Variants in GC observed in about 807,000 individuals in gnomAD.
GC encodes GC vitamin D binding protein, also known as vitamin D-binding protein.
Under a neutral mutation model 56.7 loss-of-function variants are expected in GC, and 43 were observed. That is an observed-to-expected ratio of 0.76 (90% CI 0.59 to 0.98). The LOEUF is 0.98. Ranked by LOEUF, GC falls within the 50% of genes least tolerant of loss-of-function variation. GC has a pLI of 0.00. For synonymous variants in GC, 216 were observed against 202.7 expected (o/e 1.07, Z -0.56); for missense variants, 529 against 545.9 (o/e 0.97, Z 0.31).
At chr4:71,786,031 ATTCT>A (rs1742825558), upstream of GC, 1 of 151,836 alleles carries the variant, frequency 6.6e-6, no homozygotes, top group African/African-American at 2.4e-5. Context: ...AGACCAGCTC[ATTCT>A]TTCATTTTTT....
intron 11 of GC, among the ~76,000 whole-genome samples, chr4:71,750,911 C>G (rs373848113): frequency 7.0e-6 from 1 of 143,390 alleles, no homozygotes. Context: ...AAAAAAAAAA[C>G]GGGTTTAAGG....
chr4:71,768,349 G>A lies in GC; in HGVS notation c.213C>T (p.Thr71=), dbSNP rs750307767. 9.3e-6 allele frequency: 15 copies of A among 1,613,104 alleles called. No individual in the cohort carries two copies. Among genetic ancestry groups the A allele is most frequent in the African/African-American group, 5.3e-5 (4 of 74,866 alleles). ...CAGCCCCTTCCGCACAGCAGGCTTC[G>A]GTCAAGGAGACAACTTCCTTCACAA... ...SQLVKEVVSL[T]EACCAEGADP... Residue 71 remains threonine (T), a synonymous_variant, in exon 3 of 13, where the codon ACC becomes ACT. Transcript: ENST00000273951.
intron 9 of GC, among the ~76,000 whole-genome samples, 179 bp from the exon 10 acceptor site, chr4:71,754,687 A>G (rs1171275203): frequency 1.3e-5 from 2 of 152,208 alleles, no homozygotes; most frequent in Admixed American, 6.5e-5. Flanking sequence ...CAACTACTCA[A>G]CTCTGTACAG....
intron 1 of GC, among the ~76,000 whole-genome samples, chr4:71,798,314 A>G (rs187749009): frequency 1.3e-5 from 2 of 152,344 alleles, no homozygotes; most frequent in Admixed American, 1.3e-4. Context: ...TGTTTGCAGC[A>G]TCTCAGAGTT....
At chr4:71,775,806 A>G (rs1742490998) in intron 1 of GC, among the ~76,000 whole-genome samples, 1 of 152,070 alleles carries the variant, frequency 6.6e-6, no homozygotes, top group East Asian at 1.9e-4. Context: ...CAACTCAATA[A>G]CAAGAAAACC....
chr4:71,768,851 T>A (rs766638614), intron 2 of GC, among the ~76,000 whole-genome samples: 7 of 152,248 alleles, frequency 4.6e-5, no homozygotes, highest in Admixed American at 2.6e-4. Context: ...CATTTACTTC[T>A]TTATTTGGCT....
At chr4:71,797,606 C>A (rs1221753398) in intron 1 of GC, among the ~76,000 whole-genome samples, 1 of 152,214 alleles carries the variant, frequency 6.6e-6, no homozygotes, top group Non-Finnish European at 1.5e-5. Context: ...AAGGGAAATT[C>A]CCCGACCCCT....
chr4:71,804,057 G>A (rs190021233), upstream of GC: 20 of 750,316 alleles, frequency 2.7e-5, no homozygotes, highest in South Asian at 1.8e-4. Flanking sequence ...GAGCATCAAC[G>A]TTGGTCTTAG....
At chr4:71,794,120 T>C (rs1281074513) in intron 1 of GC, among the ~76,000 whole-genome samples, 1 of 152,164 alleles carries the variant, frequency 6.6e-6, no homozygotes, top group Non-Finnish European at 1.5e-5. Flanking sequence ...AAATTCTCTG[T>C]TTCTGTTGTG....
chr4:71,798,118 A>C (rs760635472), intron 1 of GC, among the ~76,000 whole-genome samples: 3 of 152,182 alleles, frequency 2.0e-5, no homozygotes, highest in Non-Finnish European at 4.4e-5. Flanking sequence ...CAATTTCATT[A>C]GATTATTTTA....
At chr4:71,755,166 A>ATTTATTTATTTG in intron 8 of GC, 59 bp from the exon 9 acceptor site, 1 of 727,612 alleles carries the variant, frequency 1.4e-6, no homozygotes, top group African/African-American at 1.9e-5. Context: ...TTATTTATTT[A>ATTTATTTATTTG]TTTATTTATT....
chr4:71,773,674 G>A (rs79707248), intron 1 of GC, among the ~76,000 whole-genome samples: 4,801 of 151,964 alleles, frequency 0.032, 232 homozygotes, highest in African/African-American at 0.11. Flanking sequence ...ACAGTTATTC[G>A]TATACCAAGT....
Position 71,778,041 on chromosome 4 carries a change from T to TA in GC, c.58+5919dup, listed in dbSNP as rs60216664. 3.1e-3 allele frequency among the ~76,000 whole-genome samples: 471 copies of TA among 151,000 alleles called. 3 individuals are homozygous for TA. The highest frequency in any genetic ancestry group is 0.011 in the African/African-American group (440 of 41,132). ...CCAGAACTTAAAGTTTATATATATA[T>TA]AAAAAAAAACAAAATAAAACCCACA... On this transcript the variant is annotated intron_variant, in intron 1 of 12. Transcript: ENST00000273951.
Position 71,754,838 on chromosome 4 carries a change from A to G in GC, c.1164+140T>C, listed in dbSNP as rs982258168. ...GATGTTCTTTTGCTTTTTTCCCAACAATGTAAAAATGTAAAACCATTCTTC... is the reference window on the plus strand; with the variant it reads ...GATGTTCTTTTGCTTTTTTCCCAACGATGTAAAAATGTAAAACCATTCTTC... On this transcript the variant is annotated intron_variant, in intron 9 of 12. Transcript: ENST00000273951. The G allele has an allele frequency of 4.5e-5, 27 of 593,844 alleles. 1 individual carries two copies. The Middle Eastern group carries it at 1.5e-3, about 32-fold the overall frequency. The allele number at this position is 593,844 out of a possible 1,614,324, so 36.8% of individuals were successfully genotyped here. A position where few individuals can be genotyped will look rare whatever the true frequency, so the allele number is the denominator to read the frequency against.
chr4:71,763,623 G>C lies in GC; in HGVS notation c.607-121C>G, dbSNP rs1036374249. 26 of 755,198 alleles carry C rather than the reference G, an allele frequency of 3.4e-5. No individual in the cohort carries two copies. The South Asian group carries it at 3.7e-4, about 11-fold the overall frequency. The allele number at this position is 755,198 out of a possible 1,614,324, so 46.8% of individuals were successfully genotyped here. ...AATGAATAGGAAACTGAACACTGGT[G>C]AAAGGAACTTATTGATATTACTTTT... is the stretch of plus-strand genomic sequence containing the variant. On this transcript the variant is annotated intron_variant, in intron 5 of 12. Coordinates refer to ENST00000273951, the MANE Select transcript of GC (RefSeq NM_000583.4).
At chr4:71,774,012 T>C (rs181718651) in intron 1 of GC, among the ~76,000 whole-genome samples, 52 of 152,160 alleles carry the variant, frequency 3.4e-4, no homozygotes, top group Non-Finnish European at 6.0e-4. Context: ...ACTTAAATAG[T>C]AAACATTATT....
intron 1 of GC, among the ~76,000 whole-genome samples, chr4:71,796,233 C>T (rs1230264007): frequency 2.0e-5 from 3 of 152,202 alleles, no homozygotes; most frequent in African/African-American, 4.8e-5. Context: ...GGGAAGTTCT[C>T]CTGGATAATA....
intron 7 of GC, 71 bp from the exon 8 acceptor site, chr4:71,756,985 G>T: frequency 9.7e-7 from 1 of 1,027,666 alleles, no homozygotes; most frequent in Non-Finnish European, 1.5e-6. Context: ...GAATTACATA[G>T]GCTTACAAGC....
chr4:71,769,489 G>A (rs1240121943), intron 1 of GC, 89 bp from the exon 2 acceptor site: 2 of 850,544 alleles, frequency 2.4e-6, no homozygotes, highest in African/African-American at 1.7e-5. Flanking sequence ...CTTCCACGTG[G>A]CCTACAATGA....
Sources: gnomAD v4.1 joint callset for allele counts (sites outside exome capture counted in the v4.1 genomes callset) on GRCh38, gnomAD v4.1.1 for gene constraint, MANE v1.5 for transcripts, NCBI Gene and HGNC (gene_info 2026-07-23, HGNC 2026-07-21) for gene names.